Variants in CDH18 observed in about 807,000 individuals in gnomAD.
CDH18 encodes the protein cadherin-18.
In CDH18, 31 loss-of-function variants were observed where a neutral mutation model predicts 67.9. The ratio of observed to expected loss-of-function variants is 0.46; its 90% CI spans 0.34 to 0.62. CDH18 has a LOEUF of 0.62. Among genes scored for constraint, CDH18 ranks in the 20% least tolerant of loss-of-function variants. The pLI is 0.01. For synonymous variants in CDH18, 362 were observed against 347.2 expected (o/e 1.04, Z -0.48); for missense variants, 890 against 975.5 (o/e 0.91, Z 1.17).
At chr5:20,551,993 CTT>C (rs1757658406) in intron 1 of CDH18, among the ~76,000 whole-genome samples, 1 of 151,876 alleles carries the variant, frequency 6.6e-6, no homozygotes, top group South Asian at 2.1e-4. Context: ...ATTTATGAGA[CTT>C]AAATATAAAA....
chr5:19,648,885 G>A (rs1755180572), intron 5 of CDH18, among the ~76,000 whole-genome samples: 1 of 150,586 alleles, frequency 6.6e-6, no homozygotes, highest in Non-Finnish European at 1.5e-5. Flanking sequence ...TTTATTTAAT[G>A]TAATGAAGCT....
At chr5:19,550,261 TTTA>T (rs918208026) in intron 8 of CDH18, among the ~76,000 whole-genome samples, 10 of 151,728 alleles carry the variant, frequency 6.6e-5, no homozygotes, top group Non-Finnish European at 1.3e-4. Context: ...GTAAACTCTT[TTTA>T]TTATTATTAT....
At chr5:20,494,658 C>T (rs1238700345) in intron 1 of CDH18, among the ~76,000 whole-genome samples, 2 of 152,098 alleles carry the variant, frequency 1.3e-5, no homozygotes, top group African/African-American at 2.4e-5. Context: ...CAGTACCCAA[C>T]CTGGGGAGAA....
intron 2 of CDH18, among the ~76,000 whole-genome samples, chr5:19,887,823 C>G (rs1394112599): frequency 6.6e-6 from 1 of 151,834 alleles, no homozygotes; most frequent in Non-Finnish European, 1.5e-5. Context: ...CCTCCTGCCT[C>G]AGCCACCCAA....
At chr5:20,388,223 T>A (rs534178744) in intron 1 of CDH18, among the ~76,000 whole-genome samples, 1 of 152,280 alleles carries the variant, frequency 6.6e-6, no homozygotes, top group Non-Finnish European at 1.5e-5. Context: ...GGTAAGCTAT[T>A]AATTATTGCC....
chr5:20,291,346 GAAC>G (rs1002990904), intron 1 of CDH18, among the ~76,000 whole-genome samples: 2 of 152,072 alleles, frequency 1.3e-5, no homozygotes, highest in African/African-American at 2.4e-5. Context: ...TCGGTCTGTG[GAAC>G]AACAACAAAA....
At chr5:20,051,313 T>C (rs942700637) in intron 2 of CDH18, among the ~76,000 whole-genome samples, 1 of 151,964 alleles carries the variant, frequency 6.6e-6, no homozygotes, top group African/African-American at 2.4e-5. Context: ...AAACTACATG[T>C]ATGTGGATGT....
rs114264863 is a variant in CDH18 at position 19,877,094 on chromosome 5, T to A, written c.-256-37852A>T. Among the ~76,000 whole-genome samples, 849 of 152,204 alleles carry A rather than the reference T, an allele frequency of 5.6e-3. 11 individuals carry two copies. Among genetic ancestry groups the A allele is most frequent in the African/African-American group, 0.019 (806 of 41,528 alleles). On this transcript the variant is annotated intron_variant, in intron 2 of 12. Transcript: ENST00000382275. ...AGACCCTCACCATGCACAACAGACT[T>A]CAAATCACCTGTGTTAAGCCACGGA...
intron 2 of CDH18, among the ~76,000 whole-genome samples, chr5:19,980,534 A>T (rs762309685): frequency 6.6e-6 from 1 of 152,142 alleles, no homozygotes; most frequent in Non-Finnish European, 1.5e-5. Flanking sequence ...GTCTTCCTTG[A>T]AGTCCATCTT....
At chr5:19,905,356 A>G (rs1790417759) in intron 2 of CDH18, among the ~76,000 whole-genome samples, 1 of 152,100 alleles carries the variant, frequency 6.6e-6, no homozygotes, top group South Asian at 2.1e-4. Flanking sequence ...TTACAAATGA[A>G]CTTGTAGAGC....
At chr5:19,957,787 G>A (rs1257505806) in intron 2 of CDH18, among the ~76,000 whole-genome samples, 2 of 151,890 alleles carry the variant, frequency 1.3e-5, no homozygotes, top group African/African-American at 4.8e-5. Flanking sequence ...ATGAGATGAT[G>A]TACAATAGAA....
intron 1 of CDH18, among the ~76,000 whole-genome samples, chr5:20,530,982 T>C (rs1317313344): frequency 6.6e-6 from 1 of 152,120 alleles, no homozygotes; most frequent in Non-Finnish European, 1.5e-5. Context: ...TTTTGCAATC[T>C]ATCCATCTGG....
chr5:19,575,267 CTTTA>C (rs879439936), intron 7 of CDH18, among the ~76,000 whole-genome samples: 5 of 152,112 alleles, frequency 3.3e-5, no homozygotes, highest in Admixed American at 6.5e-5. Flanking sequence ...ATGTCCTGTA[CTTTA>C]TTTGACAATG....
intron 1 of CDH18, among the ~76,000 whole-genome samples, chr5:20,420,771 A>G (rs937332246): frequency 1.3e-5 from 2 of 151,278 alleles, no homozygotes; most frequent in African/African-American, 4.9e-5. Context: ...AAACTATTTT[A>G]TTGCCTCTTT....
chr5:20,347,753 A>G (rs1271964079), intron 1 of CDH18, among the ~76,000 whole-genome samples: 1 of 152,206 alleles, frequency 6.6e-6, no homozygotes, highest in Non-Finnish European at 1.5e-5. Flanking sequence ...GGTAATAACC[A>G]AGAGGGAGTC....
chr5:19,612,147 T>C (rs1749080809), intron 6 of CDH18, among the ~76,000 whole-genome samples: 1 of 152,196 alleles, frequency 6.6e-6, no homozygotes, highest in Non-Finnish European at 1.5e-5. Flanking sequence ...ATACAGATAC[T>C]TCGCCAAAGG....
At chr5:20,241,214 T>A (rs539165071) in intron 2 of CDH18, among the ~76,000 whole-genome samples, 2 of 152,290 alleles carry the variant, frequency 1.3e-5, no homozygotes, top group East Asian at 3.9e-4. Flanking sequence ...TCAAAACAAC[T>A]TTTTTTATAA....
intron 5 of CDH18, among the ~76,000 whole-genome samples, chr5:19,627,660 T>C (rs1751756508): frequency 6.6e-6 from 1 of 152,206 alleles, no homozygotes; most frequent in Non-Finnish European, 1.5e-5. Context: ...TATATAAACA[T>C]ACACTTATAT....
intron 2 of CDH18, among the ~76,000 whole-genome samples, chr5:19,877,240 G>A (rs1787116055): frequency 6.6e-6 from 1 of 151,980 alleles, no homozygotes; most frequent in African/African-American, 2.4e-5. Context: ...TATATTAAAT[G>A]TCGTAAAAAG....
Sources: allele counts gnomAD v4.1 joint callset (sites outside exome capture counted in the v4.1 genomes callset), GRCh38; gene constraint gnomAD v4.1.1; transcripts MANE v1.5; gene names NCBI Gene and HGNC (gene_info 2026-07-23, HGNC 2026-07-21).